Variants in PNPLA7 observed in about 807,000 individuals in gnomAD.
The protein encoded by PNPLA7 is patatin like domain 7, lysophospholipase.
A neutral mutation model predicts 161.7 loss-of-function variants in PNPLA7; 153 were observed. The observed-to-expected ratio is 0.95, with a 90% CI of 0.83 to 1.08. The LOEUF (loss-of-function observed/expected upper bound fraction) is 1.08. Among genes scored for constraint, PNPLA7 ranks in the 50% least tolerant of loss-of-function variants. PNPLA7 has a pLI of 0.00. For synonymous variants in PNPLA7, 809 were observed against 782.1 expected, an observed-to-expected ratio of 1.03 and a Z score of -0.57; for missense variants, 1,739 against 1,856.6, an observed-to-expected ratio of 0.94 and a Z score of 1.16.
chr9:137,510,838 G>A (rs1346176159), intron 12 of PNPLA7, among the ~76,000 whole-genome samples: 1 of 152,238 alleles, frequency 6.6e-6, no homozygotes, highest in African/African-American at 2.4e-5. Flanking sequence ...AGGTGCCGAG[G>A]CATGAGACTG....
chr9:137,547,418 G>A lies in PNPLA7; in HGVS notation c.106-22C>T, dbSNP rs1385200676. 2 of 1,612,638 alleles carry A rather than the reference G, an allele frequency of 1.2e-6. No individual in the cohort carries two copies. The highest frequency in any genetic ancestry group is 1.1e-5 in the South Asian group (1 of 91,068). On this transcript the variant is annotated intron_variant, in intron 2 of 34. Transcript: ENST00000406427. This position sits in a 1 kb window ranked among gnomAD's most constrained non-coding sequence, Gnocchi z 4.6. ...TCAGCTGGCCGAGAGTGGAAACACGGCGCCCATCAGCAAAGCCACAAACCT... is the reference window on the plus strand; with the variant it reads ...TCAGCTGGCCGAGAGTGGAAACACGACGCCCATCAGCAAAGCCACAAACCT...
intron 12 of PNPLA7, among the ~76,000 whole-genome samples, chr9:137,508,517 A>C (rs1006508865): frequency 4.6e-5 from 7 of 151,934 alleles, no homozygotes; most frequent in African/African-American, 1.7e-4. Flanking sequence ...CAGTGAGCTG[A>C]GATCGCACTA....
At chr9:137,515,670 G>T in intron 11 of PNPLA7, 151 bp from the exon 12 acceptor site, 1 of 1,016,138 alleles carries the variant, frequency 9.8e-7, no homozygotes, top group Non-Finnish European at 1.4e-6. Context: ...CCAGGCCTCT[G>T]CATCTGCCGG....
intron 12 of PNPLA7, among the ~76,000 whole-genome samples, chr9:137,511,640 T>C (rs1834244512): frequency 6.6e-6 from 1 of 152,210 alleles, no homozygotes; most frequent in African/African-American, 2.4e-5. Flanking sequence ...CACCAGTTCT[T>C]GTGGGGGGCC....
At chr9:137,542,610 G>T (rs560486561) in intron 7 of PNPLA7, 32 bp downstream of exon 7, 3 of 1,535,948 alleles carry the variant, frequency 2.0e-6, no homozygotes, top group East Asian at 4.8e-5. Flanking sequence ...ATGCGCAGCC[G>T]CCTGACCCCG....
chr9:137,543,658 G>A lies in PNPLA7; in HGVS notation c.365+66C>T. On this transcript the variant is annotated intron_variant, in intron 5 of 34. Transcript: ENST00000406427. This position sits in a 1 kb window ranked among gnomAD's most constrained non-coding sequence, Gnocchi z 6.9. ...AGTGGCTGACACACCAGGCAGCTCAGGGTTGGGGAGGCCAGCACCATGGGG... is the reference window on the plus strand; with the variant it reads ...AGTGGCTGACACACCAGGCAGCTCAAGGTTGGGGAGGCCAGCACCATGGGG... 2.5e-6 allele frequency: 4 copies of A among 1,611,634 alleles called. No homozygotes were observed. The highest frequency in any genetic ancestry group is 3.4e-6 in the Non-Finnish European group (4 of 1,178,436).
At chr9:137,515,318 G>T in intron 12 of PNPLA7, 61 bp downstream of exon 12, 1 of 1,563,676 alleles carries the variant, frequency 6.4e-7, no homozygotes, top group African/African-American at 1.4e-5. Context: ...AGCTCAGCCT[G>T]GGTCTCAGAT....
Position 137,550,354 on chromosome 9 carries a change from G to GTA in PNPLA7, c.-158_-157insTA. 1.2e-6 allele frequency: 1 copy of GTA among 804,526 alleles called. No individual in the cohort carries two copies. Among genetic ancestry groups the GTA allele is most frequent in the East Asian group, 2.6e-5 (1 of 37,864 alleles). The allele number at this position is 804,526 out of a possible 1,614,324, so 49.8% of individuals were successfully genotyped here. A position where few individuals can be genotyped will look rare whatever the true frequency, so the allele number is the denominator to read the frequency against. ...CTGAAAGGAAAATCCTGCTGAAAAA[G>GTA]TCTGTTCTCCAGGAAGAAAAGCTGT... On this transcript the variant is annotated 5_prime_UTR_variant, in exon 1 of 35. An upstream open reading frame in the 5' UTR loses its in-frame stop. Transcript: ENST00000406427.
At chr9:137,544,725 C>T (rs748703027) in intron 4 of PNPLA7, among the ~76,000 whole-genome samples, 1 of 152,178 alleles carries the variant, frequency 6.6e-6, no homozygotes, top group Non-Finnish European at 1.5e-5. Context: ...CTCACTACAA[C>T]CTCCGCCTCC....
intron 25 of PNPLA7, among the ~76,000 whole-genome samples, chr9:137,473,486 G>C (rs939514414): frequency 1.3e-5 from 2 of 152,114 alleles, no homozygotes; most frequent in Non-Finnish European, 2.9e-5. Flanking sequence ...AATTTTAAAT[G>C]GTTCATCCAA....
At chr9:137,489,154 TAGG>T (rs1832648963) in intron 20 of PNPLA7, among the ~76,000 whole-genome samples, 1 of 151,510 alleles carries the variant, frequency 6.6e-6, no homozygotes. Context: ...CAACTAGAGG[TAGG>T]AGATCAAGAA....
Position 137,520,247 on chromosome 9 carries a change from G to A in PNPLA7, c.958-204C>T, listed in dbSNP as rs1355484030. Among the ~76,000 whole-genome samples, 1 of 151,988 alleles carries A rather than the reference G, an allele frequency of 6.6e-6. No homozygotes were observed. The highest frequency in any genetic ancestry group is 1.5e-5 in the Non-Finnish European group (1 of 68,014). ...GGTGTGACAGGTGTGGGCCTCTCAA[G>A]GCAAAGTTTAAGCTACATTTCAGGC... On this transcript the variant is annotated intron_variant, in intron 10 of 34. Transcript: ENST00000406427. The surrounding 1 kb of genome is among the most constrained non-coding windows in gnomAD (Gnocchi z 5.2).
At chr9:137,483,044 TG>T (rs1832299592) in intron 21 of PNPLA7, among the ~76,000 whole-genome samples, 1 of 152,088 alleles carries the variant, frequency 6.6e-6, no homozygotes, top group Admixed American at 6.5e-5. Flanking sequence ...GGCTAATTTT[TG>T]TGTTTTTAGT....
intron 14 of PNPLA7, among the ~76,000 whole-genome samples, chr9:137,504,251 G>T (rs1054765914): frequency 1.3e-5 from 2 of 152,180 alleles, no homozygotes; most frequent in Non-Finnish European, 2.9e-5. Context: ...CACTCTTGTT[G>T]CCCAGGCTGG....
At chr9:137,461,841 G>C (rs893661196) in intron 32 of PNPLA7, 90 bp downstream of exon 32, 2 of 1,375,728 alleles carry the variant, frequency 1.5e-6, no homozygotes, top group South Asian at 1.4e-5. Context: ...CTGAGGAGCT[G>C]GGCGTGGCCT....
At position 137,546,917 on chromosome 9, in the gene PNPLA7, G is replaced by T; in HGVS notation, c.194-8C>A. 6.2e-7 allele frequency: 1 copy of T among 1,613,472 alleles called. No individual in the cohort carries two copies. Among genetic ancestry groups the T allele is most frequent in the Non-Finnish European group, 8.5e-7 (1 of 1,179,752 alleles). On this transcript the variant is annotated splice_region_variant and splice_polypyrimidine_tract_variant and intron_variant, in intron 3 of 34. Coordinates refer to ENST00000406427, the MANE Select transcript of PNPLA7 (RefSeq NM_001098537.3). ...GAGTGGGCTGTGCTTGTCCTGCAGG[G>T]GAGTAAAGGGATGGCCTGAGGTAGA...
At chr9:137,519,363 G>T (rs979842402) in intron 11 of PNPLA7, among the ~76,000 whole-genome samples, 1 of 152,162 alleles carries the variant, frequency 6.6e-6, no homozygotes, top group African/African-American at 2.4e-5. Context: ...AGAGCCCATC[G>T]CGGGAGGCCC....
chr9:137,516,625 G>C (rs576402084), intron 11 of PNPLA7: 4 of 536,974 alleles, frequency 7.4e-6, no homozygotes, highest in African/African-American at 4.1e-5. Flanking sequence ...CCTGGACCAC[G>C]TAGTAAGATG....
chr9:137,509,406 G>A (rs554425956), intron 12 of PNPLA7: 13 of 185,812 alleles, frequency 7.0e-5, no homozygotes, highest in South Asian at 4.3e-4. Flanking sequence ...TTTAGCCGGC[G>A]TGAGTGAGTT....
Sources: allele counts gnomAD v4.1 joint callset (sites outside exome capture counted in the v4.1 genomes callset), GRCh38; gene constraint gnomAD v4.1.1; non-coding constraint Gnocchi (gnomAD v3.1); transcripts MANE v1.5; gene names NCBI Gene and HGNC (gene_info 2026-07-23, HGNC 2026-07-21).